PAK5: variants seen among roughly 807,000 people sequenced by gnomAD.
PAK5 encodes the protein serine/threonine-protein kinase PAK 5.
PAK5 carries 16 observed loss-of-function variants against 65.9 expected under a neutral mutation model. That is an observed-to-expected ratio of 0.24 (90% CI 0.16 to 0.37). The LOEUF (loss-of-function observed/expected upper bound fraction) is 0.37. Among genes scored for constraint, PAK5 ranks in the 10% least tolerant of loss-of-function variants. The pLI, the probability that PAK5 is intolerant of heterozygous loss-of-function variation, is 1.00. For missense variants in PAK5, 785 were observed against 903.9 expected, an observed-to-expected ratio of 0.87 and a Z score of 1.69; for synonymous variants, 371 against 354.9, an observed-to-expected ratio of 1.05 and a Z score of -0.51.
intron 4 of PAK5, among the ~76,000 whole-genome samples, chr20:9,574,375 C>G (rs930871047): frequency 1.3e-5 from 2 of 152,158 alleles, no homozygotes; most frequent in African/African-American, 4.8e-5. Flanking sequence ...ATCCAATTAA[C>G]CCCCCACAGT....
Position 9,566,103 on chromosome 20 carries a change from G to A in PAK5, c.1272C>T (p.Pro424=), listed in dbSNP as rs1230056125. ...GAAACTGTTCATGGGACACCCTGGA[G>A]GGCTGCTGGTCGGAGGAGGAGCCCC... ...PSWGSSSDQQ[P]SRVSHEQFRA... Residue 424 remains proline (P), a synonymous_variant, in exon 5 of 10, where the codon CCC becomes CCT. Transcript: ENST00000353224. 3.7e-6 allele frequency: 6 copies of A among 1,613,830 alleles called. No homozygotes were observed. Among genetic ancestry groups the A allele is most frequent in the Non-Finnish European group, 5.1e-6 (6 of 1,179,944 alleles).
rs2045960081 is a variant in PAK5, at chr20:9,580,536, T to G, written c.599A>C (p.His200Pro). Residue 200 changes from histidine (H) to proline (P), a missense_variant, in exon 4 of 10, where the codon CAC becomes CCC. Physicochemically the swap from His to Pro is moderately conservative, Grantham distance 77 (BLOSUM62 -2). Around this residue, in one of 4 missense-constraint regions of PAK5, gnomAD observed 422 missense variants for 413.3 expected, o/e 1.02. Transcript: ENST00000353224. ...SDFARFSADY[H>P]SHLDSLSKPS... ...TTTGCTCAGTGAGTCCAAATGTGAG[T>G]GATAATCGGCAGAAAATCTGGCAAA... 1 of 1,613,898 alleles carries G rather than the reference T, an allele frequency of 6.2e-7. No individual in the cohort carries two copies.
chr20:9,621,510 T>C (rs554182226), intron 3 of PAK5, among the ~76,000 whole-genome samples: 2 of 148,792 alleles, frequency 1.3e-5, no homozygotes, highest in Non-Finnish European at 3.0e-5. Flanking sequence ...AGAATATTAA[T>C]GGGCTGATTT....
rs186387139 is a variant in PAK5, at chr20:9,585,750, A to G, written c.205-4820T>C. Reference sequence around the variant, plus strand: ...GAAGGAGGTGCTAGAGAACAGTTTTAAAACATCCTAATGCCCTCAACGAAA... The same window carrying G: ...GAAGGAGGTGCTAGAGAACAGTTTTGAAACATCCTAATGCCCTCAACGAAA... On this transcript the variant is annotated intron_variant, in intron 3 of 9. Transcript: ENST00000353224. Among the ~76,000 whole-genome samples the G allele has an allele frequency of 6.6e-5, 10 of 152,338 alleles. No individual in the cohort carries two copies. In the East Asian group the frequency reaches 1.9e-3, roughly 29 times the overall value.
intron 1 of PAK5, among the ~76,000 whole-genome samples, chr20:9,725,668 G>A (rs960097209): frequency 2.6e-5 from 4 of 152,084 alleles, no homozygotes; most frequent in Non-Finnish European, 5.9e-5. Flanking sequence ...AATTCTTACA[G>A]ATTTGACACA....
At chr20:9,734,159 A>G (rs1428486148) in intron 1 of PAK5, among the ~76,000 whole-genome samples, 2 of 152,216 alleles carry the variant, frequency 1.3e-5, no homozygotes, top group African/African-American at 4.8e-5. Flanking sequence ...CAGATGTGCT[A>G]AAAGAAAAGT....
intron 1 of PAK5, among the ~76,000 whole-genome samples, chr20:9,758,779 T>G (rs974277472): frequency 1.3e-5 from 2 of 152,210 alleles, no homozygotes; most frequent in Non-Finnish European, 2.9e-5. Context: ...ATGTGTTCTA[T>G]TTATGTCCTT....
chr20:9,542,958 A>G (rs898653810), intron 8 of PAK5, among the ~76,000 whole-genome samples: 2 of 152,234 alleles, frequency 1.3e-5, no homozygotes, highest in African/African-American at 4.8e-5. Flanking sequence ...ATATTTTAAC[A>G]TTCTAAAGTT....
At chr20:9,546,553 A>C (rs1334213241) in intron 7 of PAK5, among the ~76,000 whole-genome samples, 1 of 152,230 alleles carries the variant, frequency 6.6e-6, no homozygotes, top group Admixed American at 6.5e-5. Context: ...TGAGAAAAGA[A>C]GATGGTCAAA....
chr20:9,558,566 A>C (rs2045546795), intron 6 of PAK5, among the ~76,000 whole-genome samples: 1 of 152,144 alleles, frequency 6.6e-6, no homozygotes, highest in South Asian at 2.1e-4. Context: ...TATTTTCTTC[A>C]TCTTAGAAAT....
chr20:9,539,084 C>A lies in PAK5; in HGVS notation c.*378G>T. ...AAAAAAGTGCTTTTTGTTTTCCTTT[C>A]TTTCTTTTTTTTTTTTTTTTGCCAG... On this transcript the variant is annotated 3_prime_UTR_variant, in exon 10 of 10. Coordinates refer to ENST00000353224, the MANE Select transcript of PAK5 (RefSeq NM_177990.4). 4.6e-6 allele frequency: 1 copy of A among 216,506 alleles called. No individual in the cohort carries two copies. The highest frequency in any genetic ancestry group is 8.6e-6 in the Non-Finnish European group (1 of 116,118). 13.4% of individuals were successfully genotyped at this position (216,506 alleles called of 1,614,324 possible).
In PAK5 at chr20:9,766,006, G is replaced by A. The variant is rs537262292; in HGVS notation, c.-161-54571C>T. ...TGGGAGGCCCAGGCAGGCAGATCAC[G>A]AGGTCAAGAGATCAAGACCATCCTG... On this transcript the variant is annotated intron_variant, in intron 1 of 9. Transcript: ENST00000353224. 7.2e-5 allele frequency among the ~76,000 whole-genome samples: 11 copies of A among 152,086 alleles called. No individual in the cohort carries two copies. In the South Asian group the frequency reaches 1.7e-3, roughly 23 times the overall value.
intron 2 of PAK5, among the ~76,000 whole-genome samples, chr20:9,667,089 C>T (rs1430880970): frequency 2.0e-5 from 3 of 152,120 alleles, no homozygotes; most frequent in Admixed American, 2.0e-4. Context: ...CCAGCCTGGC[C>T]AACATGGTGA....
At chr20:9,836,197 G>A (rs1450980879) in intron 1 of PAK5, among the ~76,000 whole-genome samples, 1 of 152,044 alleles carries the variant, frequency 6.6e-6, no homozygotes, top group Non-Finnish European at 1.5e-5. Flanking sequence ...CTAACATAAT[G>A]TTAATGTTGT....
At chr20:9,720,226 T>G (rs544687653) in intron 1 of PAK5, among the ~76,000 whole-genome samples, 1 of 152,276 alleles carries the variant, frequency 6.6e-6, no homozygotes, top group South Asian at 2.1e-4. Flanking sequence ...CTCAATTAGA[T>G]AGACTTCAAG....
chr20:9,728,919 A>T (rs2048305350), intron 1 of PAK5, among the ~76,000 whole-genome samples: 1 of 152,202 alleles, frequency 6.6e-6, no homozygotes, highest in Non-Finnish European at 1.5e-5. Context: ...AATAATGCCA[A>T]TTCTTCATTT....
chr20:9,725,088 CACAA>C (rs1027804770), intron 1 of PAK5, among the ~76,000 whole-genome samples: 2 of 151,906 alleles, frequency 1.3e-5, no homozygotes, highest in Non-Finnish European at 1.5e-5. Flanking sequence ...AACACACACA[CACAA>C]ACAAACATGC....
intron 1 of PAK5, among the ~76,000 whole-genome samples, chr20:9,823,505 C>T (rs1202904963): frequency 6.6e-6 from 1 of 152,256 alleles, no homozygotes; most frequent in East Asian, 1.9e-4. Context: ...GAATAAGTCT[C>T]ACAGATCTGA....
At chr20:9,629,137 G>A (rs1213805492) in intron 3 of PAK5, among the ~76,000 whole-genome samples, 2 of 152,160 alleles carry the variant, frequency 1.3e-5, no homozygotes, top group Non-Finnish European at 2.9e-5. Context: ...AAGGCAGTGG[G>A]GAATGTAGCC....
Sources: allele counts gnomAD v4.1 joint callset (sites outside exome capture counted in the v4.1 genomes callset), GRCh38; gene constraint gnomAD v4.1.1; regional missense constraint gnomAD v4.1.1; transcripts MANE v1.5; gene names NCBI Gene and HGNC (gene_info 2026-07-23, HGNC 2026-07-21).